The following ASXL2 variants were observed in gnomAD, a reference collection of about 807,000 sequenced individuals.
ASXL2 encodes putative Polycomb group protein ASXL2.
ASXL2 carries 23 observed loss-of-function variants against 122.0 expected under a neutral mutation model. The ratio of observed to expected loss-of-function variants is 0.19; its 90% CI spans 0.14 to 0.27. The LOEUF is 0.27. Among genes scored for constraint, ASXL2 ranks in the 10% least tolerant of loss-of-function variants. The pLI, the probability that ASXL2 is intolerant of heterozygous loss-of-function variation, is 1.00. For missense variants in ASXL2, 1,518 were observed against 1,713.8 expected, an observed-to-expected ratio of 0.89 and a Z score of 2.02; for synonymous variants, 650 against 637.0, an observed-to-expected ratio of 1.02 and a Z score of -0.31.
chr2:25,845,654 A>C, intron 1 of ASXL2, 91 bp from the exon 2 acceptor site: 2 of 521,826 alleles, frequency 3.8e-6, no homozygotes, highest in Non-Finnish European at 5.7e-6. Context: ...TTAAAAGCTA[A>C]AATTAATAAC....
At chr2:25,776,057 A>C (rs2088541459) in intron 5 of ASXL2, among the ~76,000 whole-genome samples, 1 of 152,182 alleles carries the variant, frequency 6.6e-6, no homozygotes, top group Non-Finnish European at 1.5e-5. Flanking sequence ...TTTATTTTGA[A>C]AATGTTGGGG....
At chr2:25,858,027 A>G (rs1373256413) in intron 1 of ASXL2, among the ~76,000 whole-genome samples, 1 of 152,048 alleles carries the variant, frequency 6.6e-6, no homozygotes, top group African/African-American at 2.4e-5. Flanking sequence ...TGCTACATCC[A>G]CAGATCCTAG....
intron 1 of ASXL2, among the ~76,000 whole-genome samples, chr2:25,871,979 G>A (rs541218766): frequency 5.3e-5 from 8 of 152,146 alleles, no homozygotes; most frequent in Non-Finnish European, 1.0e-4. Flanking sequence ...ACTCTTGGGT[G>A]AAAAGGAGAA....
At chr2:25,766,965 T>TAATA (rs1559505085) in intron 8 of ASXL2, among the ~76,000 whole-genome samples, 6 of 152,310 alleles carry the variant, frequency 3.9e-5, no homozygotes, top group Admixed American at 3.3e-4. Flanking sequence ...TCTGCAACCT[T>TAATA]ATGTGGCTGC....
chr2:25,768,562 G>A (rs191190472), intron 7 of ASXL2, among the ~76,000 whole-genome samples, 180 bp downstream of exon 7: 15 of 152,272 alleles, frequency 9.9e-5, no homozygotes, highest in African/African-American at 3.6e-4. Flanking sequence ...ATAACTGCAT[G>A]ATTATTTTGC....
At chr2:25,749,157 T>C (rs1385939537) in intron 12 of ASXL2, among the ~76,000 whole-genome samples, 1 of 152,218 alleles carries the variant, frequency 6.6e-6, no homozygotes, top group Non-Finnish European at 1.5e-5. Flanking sequence ...TTTCTTATTT[T>C]GTCAATAATT....
At chr2:25,856,363 C>CTT (rs70950127) in intron 1 of ASXL2, 2,631 of 232,870 alleles carry the variant, frequency 0.011, 177 homozygotes, top group South Asian at 0.015. Flanking sequence ...CTGGCCTATA[C>CTT]TTTTTTTTTT....
Position 25,742,562 on chromosome 2 carries a change from T to C in ASXL2, c.3775A>G (p.Lys1259Glu), listed in dbSNP as rs2087849795. The change falls in exon 13 of 13, where the codon AAG becomes GAG. Residue 1259 changes from lysine (K) to glutamate (E), a missense_variant. This residue lies in a region of ASXL2 where 831 missense variants were observed against 833.1 expected (regional missense o/e 1.00). Transcript: ENST00000435504. ...TGAATTAAATCTCTGGCTAGGGTCTTTTCATCAAATGTTTGGCCTCTAGTG... is the reference window on the plus strand; with the variant it reads ...TGAATTAAATCTCTGGCTAGGGTCTCTTCATCAAATGTTTGGCCTCTAGTG... ...LFTRGQTFDE[K>E]TLARDLIQAA... 4 of 1,613,900 alleles carry C rather than the reference T, an allele frequency of 2.5e-6. No homozygotes were observed. The highest frequency in any genetic ancestry group is 1.3e-5 in the African/African-American group (1 of 74,932).
intron 5 of ASXL2, among the ~76,000 whole-genome samples, chr2:25,786,186 G>C (rs2088740720): frequency 6.7e-6 from 1 of 150,206 alleles, no homozygotes; most frequent in Non-Finnish European, 1.5e-5. Flanking sequence ...CAAATAAAAG[G>C]AAACTAACTT....
chr2:25,750,305 G>T lies in ASXL2; in HGVS notation c.1251C>A (p.Ala417=), dbSNP rs1428297901. ...CTACTGGAACTATTCTGATAAGAGAGGCCTCTGACACAGGCATGGATTTTG... is the reference window on the plus strand; with the variant it reads ...CTACTGGAACTATTCTGATAAGAGATGCCTCTGACACAGGCATGGATTTTG... ...EQPKSMPVSE[A]SLIRIVPVVS... is the part of the protein sequence containing the mutation. Residue 417 remains alanine (A), a synonymous_variant, in exon 12 of 13, where the codon GCC becomes GCA. Transcript: ENST00000435504. The T allele has an allele frequency of 1.9e-6, 3 of 1,613,984 alleles. No individual in the cohort carries two copies. The highest frequency in any genetic ancestry group is 8.5e-7 in the Non-Finnish European group (1 of 1,179,882).
intron 5 of ASXL2, among the ~76,000 whole-genome samples, chr2:25,790,179 G>GGTA (rs1363593968): frequency 6.6e-6 from 1 of 151,922 alleles, no homozygotes; most frequent in Admixed American, 6.6e-5. Context: ...AGAACATTTA[G>GGTA]GTACTTTCAT....
chr2:25,862,184 G>A (rs1164837699), intron 1 of ASXL2, among the ~76,000 whole-genome samples: 3 of 152,120 alleles, frequency 2.0e-5, no homozygotes, highest in Non-Finnish European at 4.4e-5. Context: ...AAACACTAAA[G>A]TGAAGTAAAT....
chr2:25,794,022 CA>C (rs557526513), intron 5 of ASXL2, among the ~76,000 whole-genome samples: 1 of 152,070 alleles, frequency 6.6e-6, no homozygotes, highest in African/African-American at 2.4e-5. Context: ...GTTAACTTGC[CA>C]AAAAAAGTTT....
chr2:25,746,153 G>A (rs1301917777), intron 12 of ASXL2, among the ~76,000 whole-genome samples: 1 of 151,992 alleles, frequency 6.6e-6, no homozygotes, highest in Non-Finnish European at 1.5e-5. Flanking sequence ...TAAACCCTAA[G>A]AAAATGCATG....
chr2:25,746,851 G>A (rs975797735), intron 12 of ASXL2, among the ~76,000 whole-genome samples: 13 of 152,158 alleles, frequency 8.5e-5, no homozygotes, highest in Non-Finnish European at 1.8e-4. Context: ...TTACTGAGAA[G>A]CCCTACCCCG....
At chr2:25,875,345 A>G (rs1009377662) in intron 1 of ASXL2, among the ~76,000 whole-genome samples, 1 of 152,120 alleles carries the variant, frequency 6.6e-6, no homozygotes, top group African/African-American at 2.4e-5. Context: ...GCACATGCCT[A>G]TAGTCCCAGC....
chr2:25,858,975 A>G (rs1373959638), intron 1 of ASXL2, among the ~76,000 whole-genome samples: 1 of 151,334 alleles, frequency 6.6e-6, no homozygotes, highest in Non-Finnish European at 1.5e-5. Context: ...CACCACACCC[A>G]GCTAATTTTT....
chr2:25,859,708 T>C (rs1407608131), intron 1 of ASXL2, among the ~76,000 whole-genome samples: 2 of 152,172 alleles, frequency 1.3e-5, no homozygotes, highest in Non-Finnish European at 2.9e-5. Context: ...CAAGATAGAC[T>C]ACATTCTGAG....
At chr2:25,784,134 C>T (rs1296869801) in intron 5 of ASXL2, among the ~76,000 whole-genome samples, 1 of 151,542 alleles carries the variant, frequency 6.6e-6, no homozygotes, top group Non-Finnish European at 1.5e-5. Context: ...TGCTGTAGTC[C>T]CAGCTACTTG....
Sources: allele counts gnomAD v4.1 joint callset (sites outside exome capture counted in the v4.1 genomes callset), GRCh38; gene constraint gnomAD v4.1.1; regional missense constraint gnomAD v4.1.1; transcripts MANE v1.5; gene names NCBI Gene and HGNC (gene_info 2026-07-23, HGNC 2026-07-21).